The following LPP variants were observed in gnomAD, a reference collection of about 807,000 sequenced individuals.
LPP encodes the protein lipoma-preferred partner.
A neutral mutation model predicts 60.4 loss-of-function variants in LPP; 38 were observed. That is an observed-to-expected ratio of 0.63 (90% confidence interval 0.49 to 0.83). The LOEUF is 0.83. LPP is among the 40% of genes least tolerant of loss of function. LPP has a pLI of 0.00. For synonymous variants in LPP, 328 were observed against 290.8 expected (o/e 1.13, Z -1.30); for missense variants, 902 against 783.6 (o/e 1.15, Z -1.80).
At chr3:188,531,240 A>G (rs548730735) in intron 6 of LPP, among the ~76,000 whole-genome samples, 52 of 152,188 alleles carry the variant, frequency 3.4e-4, no homozygotes, top group Non-Finnish European at 7.1e-4. Flanking sequence ...AAGAAATAAT[A>G]TATAAATATA....
At chr3:188,494,232 G>T (rs1809273805) in intron 5 of LPP, among the ~76,000 whole-genome samples, 2 of 152,088 alleles carry the variant, frequency 1.3e-5, no homozygotes, top group Admixed American at 1.3e-4. Flanking sequence ...AATGGTTTGG[G>T]GATTCATAGG....
chr3:188,406,943 CAT>C (rs1410815864), intron 4 of LPP, among the ~76,000 whole-genome samples: 9 of 152,090 alleles, frequency 5.9e-5, no homozygotes, highest in African/African-American at 1.9e-4. Flanking sequence ...CTCCAGCTCT[CAT>C]GTGTATGTAT....
At chr3:188,741,540 A>G (rs887360865) in intron 8 of LPP, among the ~76,000 whole-genome samples, 1 of 151,688 alleles carries the variant, frequency 6.6e-6, no homozygotes, top group Non-Finnish European at 1.5e-5. Context: ...CTTTCAATGC[A>G]TGAACATGGT....
intron 6 of LPP, chr3:188,568,489 C>A (rs770199124): frequency 6.6e-6 from 1 of 151,916 alleles, no homozygotes; most frequent in Non-Finnish European, 1.5e-5. Flanking sequence ...TGGAGATTGA[C>A]AATAGTTATA....
At chr3:188,247,284 T>TCTAAAAATAGCCTC in intron 2 of LPP, 1 of 468,482 alleles carries the variant, frequency 2.1e-6, no homozygotes, top group Non-Finnish European at 2.8e-6. Context: ...ACGCTGAGGC[T>TCTAAAAATAGCCTC]ATTTTTAGAG....
chr3:188,630,721 A>T (rs1474419581), intron 7 of LPP, among the ~76,000 whole-genome samples: 1 of 152,170 alleles, frequency 6.6e-6, no homozygotes. Flanking sequence ...AGACAAATGC[A>T]CTTGTATGTT....
rs1770542679 is a variant in LPP, at chr3:188,885,413, G to C, written c.*10934G>C. The C allele has an allele frequency of 5.2e-6, 1 of 191,822 alleles. No individual in the cohort carries two copies. Among genetic ancestry groups the C allele is most frequent in the Admixed American group, 6.1e-5 (1 of 16,328 alleles). 11.9% of individuals were successfully genotyped at this position (191,822 alleles called of 1,614,324 possible). On this transcript the variant is annotated 3_prime_UTR_variant, in exon 12 of 12. Coordinates refer to ENST00000617246, the MANE Select transcript of LPP (RefSeq NM_001375462.1). Reference sequence around the variant, plus strand: ...CCCCTTCCTAGTCCTCATGCCTGAGGAATAAGGGCGACATTAATGGGAGCG... The same window carrying C: ...CCCCTTCCTAGTCCTCATGCCTGAGCAATAAGGGCGACATTAATGGGAGCG...
chr3:188,480,520 TGGA>T (rs1271628124), intron 4 of LPP, among the ~76,000 whole-genome samples: 1 of 152,078 alleles, frequency 6.6e-6, no homozygotes, highest in Non-Finnish European at 1.5e-5. Context: ...GGAGGATGAG[TGGA>T]GGAGTATGGA....
chr3:188,708,174 T>G, intron 7 of LPP, 93 bp from the exon 8 acceptor site: 3 of 1,442,176 alleles, frequency 2.1e-6, no homozygotes, highest in Non-Finnish European at 1.9e-6. Flanking sequence ...CAGTGCTTTT[T>G]CCTCTCCAGT....
At chr3:188,495,082 A>ATATATATATATATATATATATATATATT (rs1342207321) in intron 5 of LPP, among the ~76,000 whole-genome samples, 1 of 97,244 alleles carries the variant, frequency 1.0e-5, no homozygotes, top group Non-Finnish European at 2.0e-5. Context: ...ATATATATAT[A>ATATATATATATATATATATATATATATT]TTTTATTTAT....
chr3:188,413,556 A>G (rs1785416047), intron 4 of LPP, among the ~76,000 whole-genome samples: 1 of 152,160 alleles, frequency 6.6e-6, no homozygotes, highest in Non-Finnish European at 1.5e-5. Flanking sequence ...AGCCTCATCC[A>G]TCACTGCACA....
intron 2 of LPP, among the ~76,000 whole-genome samples, chr3:188,236,974 A>G (rs1722146911): frequency 6.6e-6 from 1 of 152,244 alleles, no homozygotes; most frequent in Non-Finnish European, 1.5e-5. Flanking sequence ...ATAATGCATA[A>G]TATCATTTTA....
At position 188,525,905 on chromosome 3, in the gene LPP, G is replaced by A. The variant is rs139547492; in HGVS notation, c.429+1118G>A. Among the ~76,000 whole-genome samples the A allele has an allele frequency of 3.9e-5, 6 of 152,116 alleles. No individual in the cohort carries two copies. The East Asian group carries it at 1.2e-3, about 29-fold the overall frequency. ...TAATTTTTTTATTTTTGCCTACTTT[G>A]GAGCTTGGCTATTTTTCAGCATCTT... is the stretch of plus-strand genomic sequence containing the variant. On this transcript the variant is annotated intron_variant, in intron 6 of 11. Transcript: ENST00000617246.
At chr3:188,257,800 T>G (rs937582067) in intron 2 of LPP, among the ~76,000 whole-genome samples, 1 of 152,220 alleles carries the variant, frequency 6.6e-6, no homozygotes, top group East Asian at 1.9e-4. Context: ...TTTCCCACTT[T>G]GCAAATAAGG....
intron 1 of LPP, among the ~76,000 whole-genome samples, chr3:188,173,252 G>A (rs904161882): frequency 6.6e-6 from 1 of 152,182 alleles, no homozygotes; most frequent in African/African-American, 2.4e-5. Flanking sequence ...TGTAATCCCA[G>A]CACTTTGGGA....
In LPP at chr3:188,639,933, G is replaced by C. The variant is rs1374578068; in HGVS notation, c.1113+30089G>C. On this transcript the variant is annotated intron_variant, in intron 7 of 11. Coordinates refer to ENST00000617246, the MANE Select transcript of LPP (RefSeq NM_001375462.1). The stretch of plus-strand genomic sequence containing the variant: ...ACACTGTTGGTGGGACTGTAAACTA[G>C]TTCAACCATTGTGGAAGTCAGTGTG... Among the ~76,000 whole-genome samples the C allele has an allele frequency of 3.6e-4, 55 of 152,136 alleles. 1 individual carries two copies. The South Asian group carries it at 0.011, about 31-fold the overall frequency.
intron 6 of LPP, among the ~76,000 whole-genome samples, chr3:188,592,547 T>TTTTTTTTTTTTTTTTTTTGTTG (rs1560607260): frequency 9.0e-6 from 1 of 111,592 alleles, no homozygotes; most frequent in African/African-American, 3.1e-5. Flanking sequence ...CTGTTTTTAG[T>TTTTTTTTTTTTTTTTTTTGTTG]TTTGTTTTTG....
chr3:188,593,028 C>T (rs1031286309), intron 6 of LPP, among the ~76,000 whole-genome samples: 1 of 152,060 alleles, frequency 6.6e-6, no homozygotes, highest in Non-Finnish European at 1.5e-5. Flanking sequence ...TCCTACCATT[C>T]CATGAATTGT....
intron 7 of LPP, among the ~76,000 whole-genome samples, chr3:188,676,174 TG>T (rs1359203842): frequency 6.6e-6 from 1 of 152,202 alleles, no homozygotes; most frequent in Non-Finnish European, 1.5e-5. Context: ...ATCGAATTCT[TG>T]AAGATTAGAT....
Sources: gnomAD v4.1 joint callset for allele counts (sites outside exome capture counted in the v4.1 genomes callset) on GRCh38, gnomAD v4.1.1 for gene constraint, MANE v1.5 for transcripts, NCBI Gene and HGNC (gene_info 2026-07-23, HGNC 2026-07-21) for gene names.